SLC28A1: variants seen among roughly 807,000 people sequenced by gnomAD.
SLC28A1 encodes solute carrier family 28 member 1.
A neutral mutation model predicts 74.8 loss-of-function variants in SLC28A1; 64 were observed. The ratio of observed to expected loss-of-function variants is 0.86; its 90% CI spans 0.70 to 1.05. The LOEUF (loss-of-function observed/expected upper bound fraction) is 1.05. Among genes scored for constraint, SLC28A1 ranks in the 50% least tolerant of loss-of-function variants. SLC28A1 has a pLI of 0.00. For missense variants in SLC28A1, 828 were observed against 822.8 expected (o/e 1.01, Z -0.08); for synonymous variants, 359 against 335.0 (o/e 1.07, Z -0.78).
In SLC28A1 at chr15:84,895,107, C is replaced by T; in HGVS notation, c.445C>T (p.Leu149=). 3 of 1,614,016 alleles carry T rather than the reference C, an allele frequency of 1.9e-6. No homozygotes were observed. The highest frequency in any genetic ancestry group is 2.5e-6 in the Non-Finnish European group (3 of 1,179,946). ...CAAGCCTCAGGGCCATCCCCGCCTG[C>T]TGCTCTGGTTTAAGAGGTGAGTGAG... ...FLKPQGHPRL[L]LWFKRGLALA... The change falls in exon 6 of 19, where the codon CTG becomes TTG. Residue 149 remains leucine, a synonymous_variant. Coordinates refer to ENST00000394573, the MANE Select transcript of SLC28A1 (RefSeq NM_004213.5).
At chr15:84,924,807 A>G (rs1970285475) in intron 12 of SLC28A1, among the ~76,000 whole-genome samples, 1 of 152,232 alleles carries the variant, frequency 6.6e-6, no homozygotes, top group South Asian at 2.1e-4. Flanking sequence ...TAATGATCAA[A>G]GAAATTCTTG....
the SLC28A1 span, among the ~76,000 whole-genome samples, chr15:84,962,477 G>A: frequency 3.3e-4 from 49 of 150,364 alleles, no homozygotes; most frequent in African/African-American, 1.2e-3. Flanking sequence ...TTGCTCCGTC[G>A]CCCAGGCTGG....
rs533079367 is a variant in SLC28A1, at chr15:84,925,119, C to T, written c.1083+1009C>T. On this transcript the variant is annotated intron_variant, in intron 12 of 18. Coordinates refer to ENST00000394573, the MANE Select transcript of SLC28A1 (RefSeq NM_004213.5). ...TATTTTTAGTAGAGACAGGGTTTCA[C>T]CATGTTGGCCAGGATGGTCTCGATC... 5.0e-3 allele frequency among the ~76,000 whole-genome samples: 661 copies of T among 133,138 alleles called. 8 individuals carry two copies. The highest frequency in any genetic ancestry group is 0.018 in the African/African-American group (628 of 35,642). The allele number at this position is 133,138 out of a possible 152,430, so 87.3% of individuals were successfully genotyped here.
At position 84,890,513 on chromosome 15, in the gene SLC28A1, G is replaced by A. The variant is rs755273707; in HGVS notation, c.256G>A (p.Gly86Ser). The change falls in exon 5 of 19, where the codon GGC becomes AGC. Residue 86 changes from glycine to serine, a missense_variant. Gly to Ser is a moderately conservative substitution (Grantham distance 56). Transcript: ENST00000394573. ...GCACATGCAGCTGTTTCGATGGATC[G>A]GCACAGGCCTGCTCTGCACTGGTGA... ...REHMQLFRWI[G>S]TGLLCTGLSA... 60 of 1,611,156 alleles carry A rather than the reference G, an allele frequency of 3.7e-5. 1 individual carries two copies. The highest frequency in any genetic ancestry group is 1.3e-4 in the South Asian group (12 of 90,700).
chr15:84,966,991 G>C, the SLC28A1 span, among the ~76,000 whole-genome samples: 1 of 152,066 alleles, frequency 6.6e-6, no homozygotes, highest in African/African-American at 2.4e-5. Context: ...ATGTTGCCCA[G>C]GTTGGTCTTG....
At position 84,893,070 on chromosome 15, in the gene SLC28A1, C is replaced by A. The variant is rs1018756916; in HGVS notation, c.278-1870C>A. The stretch of plus-strand genomic sequence containing the variant: ...GAGTCCCCATCCTGGCCTGCCCAGA[C>A]CCCCCCAGCCTTCCTGGCCCGCCCC... On this transcript the variant is annotated intron_variant, in intron 5 of 18. Transcript: ENST00000394573. 3.3e-5 allele frequency among the ~76,000 whole-genome samples: 5 copies of A among 151,856 alleles called. No individual in the cohort carries two copies. The East Asian group carries it at 7.8e-4, about 24-fold the overall frequency.
chr15:84,933,076 G>T, intron 12 of SLC28A1, 69 bp from the exon 13 acceptor site: 2 of 1,573,912 alleles, frequency 1.3e-6, no homozygotes, highest in Non-Finnish European at 8.7e-7. Context: ...TGCTGCCCTG[G>T]GCCGCACTCC....
chr15:84,901,847 G>A (rs1400075922), intron 6 of SLC28A1, among the ~76,000 whole-genome samples: 1 of 152,142 alleles, frequency 6.6e-6, no homozygotes, highest in East Asian at 1.9e-4. Flanking sequence ...TTCACTTATA[G>A]GCATTTACCC....
chr15:84,973,709 C>T, the SLC28A1 span, among the ~76,000 whole-genome samples: 3 of 152,192 alleles, frequency 2.0e-5, no homozygotes, highest in African/African-American at 4.8e-5. Context: ...TATACGCTCG[C>T]GTAGTTGCAT....
rs1204828104 is a variant in SLC28A1 at position 84,945,469 on chromosome 15, C to T, written c.*269C>T. The T allele has an allele frequency of 1.9e-5, 9 of 480,108 alleles. No homozygotes were observed. Among genetic ancestry groups the T allele is most frequent in the South Asian group, 4.0e-5 (2 of 50,250 alleles). The allele number at this position is 480,108 out of a possible 1,614,324, so 29.7% of individuals were successfully genotyped here. On this transcript the variant is annotated 3_prime_UTR_variant, in exon 19 of 19. Transcript: ENST00000394573. ...TTCTCAGGGTCACTTCTGCCTCCTC[C>T]CGTTTCCCCTCCACATCCAAACAGC...
At chr15:84,971,659 CT>C in the SLC28A1 span, among the ~76,000 whole-genome samples, 1 of 142,228 alleles carries the variant, frequency 7.0e-6, no homozygotes, top group South Asian at 2.6e-4. Flanking sequence ...TTGTTCTTCT[CT>C]TTTCTTTTTG....
At chr15:84,935,580 C>T (rs1971790262) in intron 15 of SLC28A1, 62 bp downstream of exon 15, 7 of 1,425,346 alleles carry the variant, frequency 4.9e-6, no homozygotes, top group Middle Eastern at 1.8e-4. Flanking sequence ...CTCCTCAGGG[C>T]CCCTGGCAGC....
At chr15:84,960,600 CCA>C in the SLC28A1 span, among the ~76,000 whole-genome samples, 1 of 152,154 alleles carries the variant, frequency 6.6e-6, no homozygotes, top group East Asian at 1.9e-4. Context: ...GGATAAAACT[CCA>C]GTTTCCTGTC....
chr15:84,895,762 A>T, intron 6 of SLC28A1: 10 of 1,226,472 alleles, frequency 8.2e-6, no homozygotes, highest in Non-Finnish European at 1.0e-5. Flanking sequence ...GCTGGGGGAA[A>T]AAAACAGTTT....
At chr15:84,901,789 G>C (rs902286834) in intron 6 of SLC28A1, among the ~76,000 whole-genome samples, 11 of 152,326 alleles carry the variant, frequency 7.2e-5, no homozygotes, top group African/African-American at 2.6e-4. Flanking sequence ...CACAATTGCT[G>C]TAGAAAACAG....
intron 5 of SLC28A1, among the ~76,000 whole-genome samples, chr15:84,893,050 C>T (rs1029434654): frequency 3.3e-5 from 5 of 152,072 alleles, no homozygotes; most frequent in African/African-American, 1.2e-4. Context: ...TCCCTGAGTC[C>T]CCATCCTGGC....
intron 3 of SLC28A1, among the ~76,000 whole-genome samples, chr15:84,888,271 A>G (rs1467198192): frequency 2.0e-5 from 3 of 152,008 alleles, no homozygotes; most frequent in African/African-American, 7.3e-5. Context: ...GTCGAGGCAC[A>G]CCACCCAGAA....
intron 15 of SLC28A1, 24 bp from the exon 16 acceptor site, chr15:84,943,421 C>T (rs1418228055): frequency 3.1e-6 from 5 of 1,595,466 alleles, no homozygotes; most frequent in South Asian, 1.1e-5. Flanking sequence ...GGAGCCCCTC[C>T]TCATGCATCT....
At chr15:84,962,670 G>T in the SLC28A1 span, among the ~76,000 whole-genome samples, 1 of 152,116 alleles carries the variant, frequency 6.6e-6, no homozygotes, top group African/African-American at 2.4e-5. Context: ...AACTCCTAGT[G>T]CTGGGATTAC....
Sources: gnomAD v4.1 joint callset for allele counts (sites outside exome capture counted in the v4.1 genomes callset) on GRCh38, gnomAD v4.1.1 for gene constraint, MANE v1.5 for transcripts, NCBI Gene and HGNC (gene_info 2026-07-23, HGNC 2026-07-21) for gene names.